The following INPP4B variants were observed in gnomAD, a reference collection of about 807,000 sequenced individuals.
INPP4B encodes inositol polyphosphate 4-phosphatase type II.
Under a neutral mutation model 122.5 loss-of-function variants are expected in INPP4B, and 55 were observed. The ratio of observed to expected loss-of-function variants is 0.45; its 90% CI spans 0.36 to 0.56. The LOEUF is 0.56. INPP4B is among the 20% of genes least tolerant of loss of function. INPP4B has a pLI of 0.00. For synonymous variants in INPP4B, 403 were observed against 388.7 expected, an observed-to-expected ratio of 1.04 and a Z score of -0.43; for missense variants, 1,000 against 1,097.7, an observed-to-expected ratio of 0.91 and a Z score of 1.26.
intron 9 of INPP4B, among the ~76,000 whole-genome samples, chr4:142,289,788 C>A (rs1755537661): frequency 6.6e-6 from 1 of 152,210 alleles, no homozygotes; most frequent in African/African-American, 2.4e-5. Context: ...ACAGCTTCCC[C>A]TATTCAGCGA....
In INPP4B at chr4:142,208,416, T is replaced by C; in HGVS notation, c.1072+9A>G. The C allele has an allele frequency of 6.9e-7, 1 of 1,459,788 alleles. No individual in the cohort carries two copies. The highest frequency in any genetic ancestry group is 9.4e-7 in the Non-Finnish European group (1 of 1,058,324). 90.4% of individuals were successfully genotyped at this position (1,459,788 alleles called of 1,614,324 possible). On this transcript the variant is annotated intron_variant, in intron 14 of 25. Coordinates refer to ENST00000262992, the MANE Select transcript of INPP4B (RefSeq NM_001101669.3). ...AATTTGCTATTTTTAAAAGAATAAT[T>C]TATGATACCTTTCAAGTGAGGGCTG...
At chr4:142,571,376 G>A (rs1732787645) in intron 2 of INPP4B, among the ~76,000 whole-genome samples, 1 of 152,088 alleles carries the variant, frequency 6.6e-6, no homozygotes, top group African/African-American at 2.4e-5. Flanking sequence ...CTGTAGTCAA[G>A]CAAATTAACC....
intron 2 of INPP4B, among the ~76,000 whole-genome samples, chr4:142,685,531 G>A (rs192526810): frequency 2.6e-5 from 4 of 152,184 alleles, no homozygotes; most frequent in Admixed American, 2.0e-4. Context: ...AAAAATACAA[G>A]TGGTCAAGAG....
intron 7 of INPP4B, among the ~76,000 whole-genome samples, chr4:142,359,951 T>C (rs536164950): frequency 5.9e-5 from 9 of 152,114 alleles, no homozygotes; most frequent in Admixed American, 5.2e-4. Context: ...ATGGAACTTC[T>C]GAAAACTATT....
intron 2 of INPP4B, among the ~76,000 whole-genome samples, chr4:142,640,877 G>C (rs949079307): frequency 6.6e-6 from 1 of 152,076 alleles, no homozygotes; most frequent in African/African-American, 2.4e-5. Flanking sequence ...ATGAGATACT[G>C]CTAGACACTC....
chr4:142,035,585 A>T (rs779670665), intron 25 of INPP4B, among the ~76,000 whole-genome samples: 1 of 152,176 alleles, frequency 6.6e-6, no homozygotes, highest in South Asian at 2.1e-4. Context: ...GAGGGCCAGG[A>T]CATGCAGCTT....
rs189934859 is a variant in INPP4B, at chr4:142,714,443, C to T, written c.-191+11396G>A. Among the ~76,000 whole-genome samples, 385 of 152,270 alleles carry T rather than the reference C, an allele frequency of 2.5e-3. 5 individuals carry two copies. The highest frequency in any genetic ancestry group is 0.018 in the East Asian group (94 of 5,180). On this transcript the variant is annotated intron_variant, in intron 2 of 25. Transcript: ENST00000262992. ...TTGAAAATTGAAGTGTTTGTTTTCCCTTTTGACCAGCTAAAGTCTATGGAT... is the reference window on the plus strand; with the variant it reads ...TTGAAAATTGAAGTGTTTGTTTTCCTTTTTGACCAGCTAAAGTCTATGGAT...
At chr4:142,456,316 T>A (rs889283969) in intron 3 of INPP4B, among the ~76,000 whole-genome samples, 2 of 152,060 alleles carry the variant, frequency 1.3e-5, no homozygotes, top group African/African-American at 4.8e-5. Context: ...TTCATTTTGA[T>A]TTGTATATGG....
intron 10 of INPP4B, among the ~76,000 whole-genome samples, chr4:142,268,345 A>AAAAAAAAAAAAAAAAAAAAAAAAAAAAAG (rs1561687873): frequency 6.9e-6 from 1 of 145,676 alleles, no homozygotes; most frequent in Non-Finnish European, 1.5e-5. Flanking sequence ...AAAAAAAAAA[A>AAAAAAAAAAAAAAAAAAAAAAAAAAAAAG]ATGAGGGGTA....
intron 1 of INPP4B, among the ~76,000 whole-genome samples, chr4:142,781,708 A>T (rs1774852822): frequency 6.6e-6 from 1 of 152,190 alleles, no homozygotes; most frequent in East Asian, 1.9e-4. Context: ...GTGGAAAATA[A>T]ATCTTTATAA....
chr4:142,103,158 C>T (rs527480818), intron 23 of INPP4B, among the ~76,000 whole-genome samples: 5 of 152,168 alleles, frequency 3.3e-5, no homozygotes, highest in Admixed American at 2.0e-4. Context: ...GCTTCACTTT[C>T]ATCCTCATTC....
chr4:142,646,410 A>T (rs1751785989), intron 2 of INPP4B, among the ~76,000 whole-genome samples: 1 of 152,186 alleles, frequency 6.6e-6, no homozygotes, highest in South Asian at 2.1e-4. Flanking sequence ...AAGATCCAAA[A>T]TCAGCATAGT....
intron 5 of INPP4B, chr4:142,425,124 TTAAAA>T (rs1243366607): frequency 6.6e-6 from 1 of 152,068 alleles, no homozygotes; most frequent in African/African-American, 2.4e-5. Flanking sequence ...ACATGGATTC[TTAAAA>T]TAAAACAGCT....
intron 11 of INPP4B, among the ~76,000 whole-genome samples, chr4:142,238,254 T>C (rs536233264): frequency 6.6e-6 from 1 of 152,036 alleles, no homozygotes; most frequent in East Asian, 1.9e-4. Context: ...CTGAGACATA[T>C]AATCTTTGTT....
intron 2 of INPP4B, among the ~76,000 whole-genome samples, chr4:142,649,245 A>G (rs1560917331): frequency 1.3e-5 from 2 of 152,258 alleles, no homozygotes; most frequent in Admixed American, 1.3e-4. Context: ...AAAGGTAGAT[A>G]AAACCACAAA....
At chr4:142,536,878 C>T (rs1265104766) in intron 2 of INPP4B, among the ~76,000 whole-genome samples, 1 of 152,072 alleles carries the variant, frequency 6.6e-6, no homozygotes, top group Non-Finnish European at 1.5e-5. Flanking sequence ...CTCACTGCAA[C>T]CTCTGCCTCC....
intron 2 of INPP4B, among the ~76,000 whole-genome samples, chr4:142,558,419 C>CA (rs200525922): frequency 2.0e-3 from 291 of 145,270 alleles, no homozygotes; most frequent in African/African-American, 2.7e-3. Context: ...GTTTTGGCAG[C>CA]AAAAAAAAAG....
Position 142,237,967 on chromosome 4 carries a change from C to G in INPP4B, c.733G>C (p.Asp245His), listed in dbSNP as rs767317526. The change falls in exon 12 of 26, where the codon GAC (aspartate) becomes CAC (histidine). Residue 245 changes from aspartate to histidine, a missense_variant. By Grantham distance (81) the Asp-to-His change is moderately conservative (BLOSUM62 -1). Transcript: ENST00000262992. Reference protein sequence around the residue: ...VCKLYRFPTSDNKWMRIREQM... With the variant: ...VCKLYRFPTSHNKWMRIREQM... Reference sequence around the variant, plus strand: ...TCTCGAATTCGCATCCACTTATTGTCAGATGTGGGAAATCTATATAATTTA... The same window carrying G: ...TCTCGAATTCGCATCCACTTATTGTGAGATGTGGGAAATCTATATAATTTA... 1 of 1,565,392 alleles carries G rather than the reference C, an allele frequency of 6.4e-7. No homozygotes were observed. The highest frequency in any genetic ancestry group is 2.3e-5 in the East Asian group (1 of 44,428).
At chr4:142,253,158 A>C (rs937573651) in intron 11 of INPP4B, among the ~76,000 whole-genome samples, 1 of 152,202 alleles carries the variant, frequency 6.6e-6, no homozygotes, top group African/African-American at 2.4e-5. Context: ...GTACACCTGT[A>C]AAGGGCATTT....
Sources: allele counts gnomAD v4.1 joint callset (sites outside exome capture counted in the v4.1 genomes callset), GRCh38; gene constraint gnomAD v4.1.1; transcripts MANE v1.5; gene names NCBI Gene and HGNC (gene_info 2026-07-23, HGNC 2026-07-21).